Variants in ODAD2 observed in about 807,000 individuals in gnomAD.
ODAD2 encodes outer dynein arm docking complex subunit 2, also known as outer dynein arm-docking complex subunit 2.
A neutral mutation model predicts 106.8 loss-of-function variants in ODAD2; 89 were observed. The observed-to-expected ratio is 0.83, with a 90% CI of 0.70 to 0.99. The LOEUF (loss-of-function observed/expected upper bound fraction) is 0.99. Ranked by LOEUF, ODAD2 falls within the 50% of genes least tolerant of loss-of-function variation. The probability of loss-of-function intolerance (pLI) is 0.00; values close to 1 mark genes in which losing one functional copy is unlikely to be tolerated. For synonymous variants in ODAD2, 404 were observed against 436.2 expected (o/e 0.93, Z 0.92); for missense variants, 1,168 against 1,238.5 (o/e 0.94, Z 0.85).
chr10:27,835,901 G>C (rs1431375855), intron 19 of ODAD2: 1 of 150,484 alleles, frequency 6.6e-6, no homozygotes, highest in Non-Finnish European at 1.5e-5. Context: ...ACTCCAGCCT[G>C]GGTGACAAGA....
intron 19 of ODAD2, among the ~76,000 whole-genome samples, chr10:27,848,062 A>C (rs905303267): frequency 1.3e-5 from 2 of 152,234 alleles, no homozygotes; most frequent in African/African-American, 4.8e-5. Context: ...ACAGAACTGG[A>C]AAAAACTACT....
intron 19 of ODAD2, among the ~76,000 whole-genome samples, chr10:27,821,629 T>C (rs1836617297): frequency 6.6e-6 from 1 of 152,208 alleles, no homozygotes; most frequent in African/African-American, 2.4e-5. Flanking sequence ...TGTTTTCAAA[T>C]CACTAACACA....
At chr10:27,833,367 G>A (rs1484257543) in intron 19 of ODAD2, among the ~76,000 whole-genome samples, 1 of 115,816 alleles carries the variant, frequency 8.6e-6, no homozygotes, top group Non-Finnish European at 2.0e-5. Flanking sequence ...ACTTTTCCAG[G>A]GTACAAACTG....
intron 17 of ODAD2, among the ~76,000 whole-genome samples, chr10:27,899,515 A>T (rs1485308894): frequency 6.6e-6 from 1 of 152,130 alleles, no homozygotes; most frequent in African/African-American, 2.4e-5. Flanking sequence ...CAAGTGGTCT[A>T]GCTCAGCAGA....
At chr10:27,877,111 TACAAAC>T (rs1037353731) in intron 17 of ODAD2, among the ~76,000 whole-genome samples, 15 of 152,196 alleles carry the variant, frequency 9.9e-5, no homozygotes, top group Non-Finnish European at 1.3e-4. Flanking sequence ...TAGCCATAGT[TACAAAC>T]ACTTAAAAGG....
chr10:27,836,557 T>C (rs1437202825), intron 19 of ODAD2, among the ~76,000 whole-genome samples: 2 of 152,222 alleles, frequency 1.3e-5, no homozygotes, highest in African/African-American at 4.8e-5. Context: ...AAGTCACTGC[T>C]ATATCCTATA....
At chr10:27,843,852 T>C (rs1285271088) in intron 19 of ODAD2, among the ~76,000 whole-genome samples, 1 of 152,140 alleles carries the variant, frequency 6.6e-6, no homozygotes, top group Non-Finnish European at 1.5e-5. Flanking sequence ...ATTTGTTTTT[T>C]CAAAAAATCA....
At chr10:27,994,657 A>G (rs1186113851) in intron 2 of ODAD2, among the ~76,000 whole-genome samples, 1 of 152,208 alleles carries the variant, frequency 6.6e-6, no homozygotes, top group East Asian at 1.9e-4. Context: ...AGTGACCTGG[A>G]TAACGGATGC....
chr10:27,821,824 G>T (rs1272657345), intron 19 of ODAD2, among the ~76,000 whole-genome samples: 1 of 151,976 alleles, frequency 6.6e-6, no homozygotes, highest in African/African-American at 2.4e-5. Flanking sequence ...AATATTCTAA[G>T]GGGCTTACCT....
At chr10:27,938,842 C>T (rs1430893322) in intron 14 of ODAD2, among the ~76,000 whole-genome samples, 2 of 152,044 alleles carry the variant, frequency 1.3e-5, no homozygotes, top group Admixed American at 1.3e-4. Context: ...TGAAGTGATT[C>T]GCCCATCTCA....
At chr10:27,884,857 T>C (rs1202991047) in intron 17 of ODAD2, among the ~76,000 whole-genome samples, 1 of 152,054 alleles carries the variant, frequency 6.6e-6, no homozygotes, top group African/African-American at 2.4e-5. Flanking sequence ...TCAGGTAGGA[T>C]GAATGCTCAG....
intron 19 of ODAD2, among the ~76,000 whole-genome samples, chr10:27,832,892 T>TATCA (rs1420776876): frequency 1.3e-5 from 2 of 152,146 alleles, no homozygotes; most frequent in African/African-American, 2.4e-5. Context: ...TTATCCGACT[T>TATCA]ATCATGAAAA....
chr10:27,966,734 AACTTT>A (rs1564558393), intron 9 of ODAD2, among the ~76,000 whole-genome samples: 2 of 152,212 alleles, frequency 1.3e-5, no homozygotes, highest in Admixed American at 1.3e-4. Context: ...GATACATTAA[AACTTT>A]ACCTTATCTA....
At position 27,922,860 on chromosome 10, in the gene ODAD2, C is replaced by T. The variant is rs575121056; in HGVS notation, c.2495+12150G>A. On this transcript the variant is annotated intron_variant, in intron 16 of 19. Coordinates refer to ENST00000305242, the MANE Select transcript of ODAD2 (RefSeq NM_018076.5). Reference sequence around the variant, plus strand: ...AGCAGAGGTTGCAGTGAGCCAACATCGCACCACTGCACTCCAACCTGGGCA... The same window carrying T: ...AGCAGAGGTTGCAGTGAGCCAACATTGCACCACTGCACTCCAACCTGGGCA... 7.2e-5 allele frequency among the ~76,000 whole-genome samples: 11 copies of T among 151,994 alleles called. No homozygotes were observed. In the South Asian group the frequency reaches 1.2e-3, roughly 17 times the overall value.
intron 10 of ODAD2, among the ~76,000 whole-genome samples, chr10:27,954,693 A>G (rs1447958216): frequency 3.9e-5 from 6 of 152,190 alleles, no homozygotes; most frequent in African/African-American, 1.4e-4. Flanking sequence ...ACACATATTT[A>G]TTTTTGACTG....
At chr10:27,918,097 C>T (rs1844521611) in intron 16 of ODAD2, among the ~76,000 whole-genome samples, 1 of 151,682 alleles carries the variant, frequency 6.6e-6, no homozygotes, top group Non-Finnish European at 1.5e-5. Context: ...TGAATTATAT[C>T]AATATTTAAG....
At chr10:27,954,883 C>A (rs529939727) in intron 10 of ODAD2, among the ~76,000 whole-genome samples, 1 of 152,204 alleles carries the variant, frequency 6.6e-6, no homozygotes, top group Non-Finnish European at 1.5e-5. Context: ...AATCCAAATA[C>A]TTAAAGTGGA....
chr10:27,848,091 CA>C (rs1564423559), intron 19 of ODAD2, among the ~76,000 whole-genome samples: 1 of 152,156 alleles, frequency 6.6e-6, no homozygotes, highest in Admixed American at 6.5e-5. Flanking sequence ...CATATGGAAC[CA>C]AAAAAGAGCC....
Position 27,935,265 on chromosome 10 carries a change from T to TA in ODAD2, c.2253-14dup, listed in dbSNP as rs1564520869. On this transcript the variant is annotated splice_polypyrimidine_tract_variant and intron_variant, in intron 15 of 19. Transcript: ENST00000305242. Reference sequence around the variant, plus strand: ...GTATTCCCGAAACCTAAGTTCATCATAAGAAAGAGGAGAATTGGTTTTTGT... The same window carrying TA: ...GTATTCCCGAAACCTAAGTTCATCATAAAGAAAGAGGAGAATTGGTTTTTGT... 3 of 1,612,864 alleles carry TA rather than the reference T, an allele frequency of 1.9e-6. No individual in the cohort carries two copies. The highest frequency in any genetic ancestry group is 2.5e-6 in the Non-Finnish European group (3 of 1,179,124).
Sources: allele counts gnomAD v4.1 joint callset (sites outside exome capture counted in the v4.1 genomes callset), GRCh38; gene constraint gnomAD v4.1.1; transcripts MANE v1.5; gene names NCBI Gene and HGNC (gene_info 2026-07-23, HGNC 2026-07-21).